TXLNB: variants seen among roughly 807,000 people sequenced by gnomAD.
TXLNB encodes beta-taxilin.
A neutral mutation model predicts 57.4 loss-of-function variants in TXLNB; 37 were observed. The observed-to-expected ratio is 0.64, with a 90% CI of 0.50 to 0.85. The LOEUF (loss-of-function observed/expected upper bound fraction) is 0.85, where lower values mean the gene tolerates loss of function less well. Among genes scored for constraint, TXLNB ranks in the 40% least tolerant of loss-of-function variants. The pLI, the probability that TXLNB is intolerant of heterozygous loss-of-function variation, is 0.00. For synonymous variants in TXLNB, 302 were observed against 309.6 expected (o/e 0.98, Z 0.26); for missense variants, 848 against 825.6 (o/e 1.03, Z -0.33).
chr6:139,170,614 AG>A, the TXLNB span: 25 of 152,564 alleles, frequency 1.6e-4, no homozygotes, highest in Non-Finnish European at 2.1e-4. Flanking sequence ...GGTTGCGATG[AG>A]GAGCTAGGGA....
chr6:139,168,783 T>A, the TXLNB span, among the ~76,000 whole-genome samples: 1 of 152,270 alleles, frequency 6.6e-6, no homozygotes, highest in Non-Finnish European at 1.5e-5. Flanking sequence ...GATTTGAGAC[T>A]TTCAACGTCT....
At position 139,281,822 on chromosome 6, in the gene TXLNB, C is replaced by A. The variant is rs191696835; in HGVS notation, c.425-4901G>T. ...CTCGGCCTCCCAAAGTGCTGGGATT[C>A]CAGGCGTGAGCCACCGCGCCCGGCC... On this transcript the variant is annotated intron_variant, in intron 2 of 9. Coordinates refer to ENST00000358430, the MANE Select transcript of TXLNB (RefSeq NM_153235.4). Among the ~76,000 whole-genome samples the A allele has an allele frequency of 2.1e-4, 24 of 115,520 alleles. 4 individuals are homozygous for A. The highest frequency in any genetic ancestry group is 3.8e-4 in the Admixed American group (5 of 13,018). 75.8% of individuals were successfully genotyped at this position (115,520 alleles called of 152,430 possible). A position where few individuals can be genotyped will look rare whatever the true frequency, so the allele number is the denominator to read the frequency against.
At chr6:139,286,505 G>C (rs1011548125) in intron 2 of TXLNB, among the ~76,000 whole-genome samples, 2 of 151,660 alleles carry the variant, frequency 1.3e-5, no homozygotes, top group Non-Finnish European at 2.9e-5. Context: ...GAGAGTGACC[G>C]GACCGTTCAA....
At chr6:139,308,755 G>C in the TXLNB span, among the ~76,000 whole-genome samples, 9 of 152,146 alleles carry the variant, frequency 5.9e-5, no homozygotes, top group Non-Finnish European at 1.0e-4. Flanking sequence ...TTGAGGGGGT[G>C]GGTAAATTTC....
At chr6:139,263,288 G>GA (rs1258456988) in intron 4 of TXLNB, among the ~76,000 whole-genome samples, 1 of 152,012 alleles carries the variant, frequency 6.6e-6, no homozygotes. Flanking sequence ...CTATTTGTGA[G>GA]AAAAAACTTT....
At chr6:139,256,025 T>A (rs1467176360) in intron 6 of TXLNB, among the ~76,000 whole-genome samples, 5 of 151,926 alleles carry the variant, frequency 3.3e-5, no homozygotes, top group Non-Finnish European at 7.4e-5. Context: ...CAGGTTGCAA[T>A]GAGCTATGAT....
chr6:139,183,529 A>C, the TXLNB span: 1 of 152,176 alleles, frequency 6.6e-6, no homozygotes, highest in Non-Finnish European at 1.5e-5. Context: ...TTCTGATGCT[A>C]AGGGTAACAA....
chr6:139,242,194 G>C lies in TXLNB; in HGVS notation c.*332C>G, dbSNP rs1562269006. On this transcript the variant is annotated 3_prime_UTR_variant, in exon 10 of 10. Coordinates refer to ENST00000358430, the MANE Select transcript of TXLNB (RefSeq NM_153235.4). ...TTTTCAGTATTTATATATTGCAGTG[G>C]AAGTCTTTAAACATCAAATCTTACT... 5.3e-6 allele frequency: 1 copy of C among 189,382 alleles called. No homozygotes were observed. The highest frequency in any genetic ancestry group is 1.1e-5 in the Non-Finnish European group (1 of 93,810). 11.7% of individuals were successfully genotyped at this position (189,382 alleles called of 1,614,324 possible). A position where few individuals can be genotyped will look rare whatever the true frequency, so the allele number is the denominator to read the frequency against.
intron 6 of TXLNB, 127 bp from the exon 7 acceptor site, chr6:139,255,765 G>A: frequency 1.5e-6 from 1 of 669,996 alleles, no homozygotes; most frequent in Non-Finnish European, 2.5e-6. Flanking sequence ...TTGGAACTTT[G>A]AAAAGAATCT....
At chr6:139,318,696 C>T in the TXLNB span, among the ~76,000 whole-genome samples, 2 of 152,112 alleles carry the variant, frequency 1.3e-5, no homozygotes, top group Non-Finnish European at 2.9e-5. Context: ...TTTTAGCATA[C>T]TAACCAACTT....
At chr6:139,262,231 A>T (rs758613171) in intron 5 of TXLNB, among the ~76,000 whole-genome samples, 13 of 152,152 alleles carry the variant, frequency 8.5e-5, no homozygotes, top group Admixed American at 1.3e-4. Context: ...AATTTAGATG[A>T]CATGGCAATT....
At position 139,251,246 on chromosome 6, in the gene TXLNB, G is replaced by T. The variant is rs148886994; in HGVS notation, c.1078-3337C>A. ...ATTTTTAAGTGTATAGTTCAGAATT[G>T]CTAAGTATATTTCCAGTGTGGTGCA... On this transcript the variant is annotated intron_variant, in intron 7 of 9. Coordinates refer to ENST00000358430, the MANE Select transcript of TXLNB (RefSeq NM_153235.4). Among the ~76,000 whole-genome samples, 587 of 152,310 alleles carry T rather than the reference G, an allele frequency of 3.9e-3. 2 individuals carry two copies. The highest frequency in any genetic ancestry group is 0.013 in the African/African-American group (555 of 41,574).
At chr6:139,274,351 C>T (rs899192014) in intron 3 of TXLNB, among the ~76,000 whole-genome samples, 7 of 152,082 alleles carry the variant, frequency 4.6e-5, no homozygotes, top group African/African-American at 1.7e-4. Flanking sequence ...ATATTAATAT[C>T]CAAATCAGTG....
intron 7 of TXLNB, among the ~76,000 whole-genome samples, chr6:139,254,191 C>T (rs1776278182): frequency 6.6e-6 from 1 of 152,162 alleles, no homozygotes. Flanking sequence ...GCTATATATG[C>T]ATTGCAGAAA....
chr6:139,233,373 T>TTA, the TXLNB span, among the ~76,000 whole-genome samples: 2 of 3,486 alleles, frequency 5.7e-4, no homozygotes, highest in East Asian at 5.2e-3. Context: ...TTATATAAAT[T>TTA]TATATATATA....
At chr6:139,226,870 T>C in the TXLNB span, among the ~76,000 whole-genome samples, 1 of 151,464 alleles carries the variant, frequency 6.6e-6, no homozygotes, top group Non-Finnish European at 1.5e-5. Flanking sequence ...CTACAAAAGA[T>C]ACAAAAATTA....
intron 2 of TXLNB, among the ~76,000 whole-genome samples, chr6:139,279,819 AGGCATGTG>A (rs1307172243): frequency 1.3e-5 from 2 of 152,236 alleles, no homozygotes; most frequent in African/African-American, 4.8e-5. Context: ...AAAGCTAGGA[AGGCATGTG>A]GGCATGTAGC....
At chr6:139,310,308 A>C in the TXLNB span, among the ~76,000 whole-genome samples, 18,559 of 152,268 alleles carry the variant, frequency 0.12, 1,477 homozygotes, top group African/African-American at 0.23. Context: ...GATTTATAAA[A>C]GATAGGCAAT....
At chr6:139,315,273 C>G in the TXLNB span, among the ~76,000 whole-genome samples, 1 of 152,172 alleles carries the variant, frequency 6.6e-6, no homozygotes, top group Non-Finnish European at 1.5e-5. Flanking sequence ...ACTCTGATCC[C>G]TAATTGCTCA....
Sources: allele counts gnomAD v4.1 joint callset (sites outside exome capture counted in the v4.1 genomes callset), GRCh38; gene constraint gnomAD v4.1.1; transcripts MANE v1.5; gene names NCBI Gene and HGNC (gene_info 2026-07-23, HGNC 2026-07-21).